Variants in MICAL2 observed in about 807,000 individuals in gnomAD.
The protein encoded by MICAL2 is microtubule associated monooxygenase, calponin and LIM domain containing 2.
Under a neutral mutation model 127.3 loss-of-function variants are expected in MICAL2, and 77 were observed. That is an observed-to-expected ratio of 0.60 (90% confidence interval 0.50 to 0.73). MICAL2 has a LOEUF of 0.73. Ranked by LOEUF, MICAL2 falls within the 30% of genes least tolerant of loss-of-function variation. The probability of loss-of-function intolerance (pLI) is 0.00; values close to 1 mark genes in which losing one functional copy is unlikely to be tolerated. For missense variants in MICAL2, 1,351 were observed against 1,434.4 expected, an observed-to-expected ratio of 0.94 and a Z score of 0.94; for synonymous variants, 570 against 551.1, an observed-to-expected ratio of 1.03 and a Z score of -0.48.
intron 30 of MICAL2, among the ~76,000 whole-genome samples, chr11:12,322,815 T>C (rs1493960): frequency 0.84 from 127,184 of 152,184 alleles, 53,342 homozygotes; most frequent in Non-Finnish European, 0.88. Context: ...AATATACGAA[T>C]GCTATAAAAA....
In MICAL2 at chr11:12,226,055, C is replaced by A. The variant is rs1257151222; in HGVS notation, c.1689-116C>A. 1.7e-5 allele frequency: 16 copies of A among 967,092 alleles called. No individual in the cohort carries two copies. In the East Asian group the frequency reaches 3.1e-4, roughly 19 times the overall value. The allele number at this position is 967,092 out of a possible 1,614,324, so 59.9% of individuals were successfully genotyped here. A position where few individuals can be genotyped will look rare whatever the true frequency, so the allele number is the denominator to read the frequency against. ...TGGGGTCACTATTCCTCCCCTGTAA[C>A]CTGCCGACACCTGGCAGAGTGTCAC... On this transcript the variant is annotated intron_variant, in intron 13 of 27. Transcript: ENST00000683283.
intron 3 of MICAL2, among the ~76,000 whole-genome samples, chr11:12,171,531 T>TA (rs1447791330): frequency 6.6e-6 from 1 of 152,242 alleles, no homozygotes; most frequent in Non-Finnish European, 1.5e-5. Context: ...GTCTATCTCC[T>TA]ACTCAACAGG....
In MICAL2 at chr11:12,216,283, G is replaced by A. The variant is rs1158748043; in HGVS notation, c.912G>A (p.Lys304=). 1 of 1,613,968 alleles carries A rather than the reference G, an allele frequency of 6.2e-7. No homozygotes were observed. Among genetic ancestry groups the A allele is most frequent in the Non-Finnish European group, 8.5e-7 (1 of 1,179,986 alleles). The stretch of plus-strand genomic sequence containing the variant: ...CCCACTATTTTGTAATGACAGCCAA[G>A]AAGCAGAGCCTGCTCGACAAAGGTG... ...DCTHYFVMTA[K]KQSLLDKGVI... is the part of the protein sequence containing the mutation. The change falls in exon 8 of 28, where the codon AAG becomes AAA. Residue 304 remains lysine, a synonymous_variant. Transcript: ENST00000683283.
rs556140073 is a variant in MICAL2, at chr11:12,157,537, T to G, written c.-77-4542T>G. On this transcript the variant is annotated intron_variant, in intron 2 of 27. Coordinates refer to ENST00000683283, the MANE Select transcript of MICAL2 (RefSeq NM_001282663.2). ...TGCTTCAAGGCTATTCTTGGAAACT[T>G]AAAGCATCACATCTTGTTTCTTCCC... Among the ~76,000 whole-genome samples the G allele has an allele frequency of 4.6e-5, 7 of 152,338 alleles. No individual in the cohort carries two copies. In the South Asian group the frequency reaches 1.4e-3, roughly 32 times the overall value.
In MICAL2 at chr11:12,129,457, A is replaced by G. The variant is rs1430810458; in HGVS notation, c.-148-8933A>G. 2.6e-5 allele frequency among the ~76,000 whole-genome samples: 4 copies of G among 152,058 alleles called. No individual in the cohort carries two copies. In the South Asian group the frequency reaches 8.3e-4, roughly 32 times the overall value. ...GCTCCAAAACGTGCAAGTGGAAGGT[A>G]ATGAAACACGCACCCCCCTTCCTAT... On this transcript the variant is annotated intron_variant, in intron 1 of 27. Coordinates refer to ENST00000683283, the MANE Select transcript of MICAL2 (RefSeq NM_001282663.2).
chr11:12,273,544 GTT>G (rs11334681), upstream of MICAL2, among the ~76,000 whole-genome samples: 2,293 of 143,664 alleles, frequency 0.016, 39 homozygotes, highest in African/African-American at 0.046. Context: ...CTGCAGACAT[GTT>G]TTTTTTTTTT....
intron 2 of MICAL2, among the ~76,000 whole-genome samples, chr11:12,159,629 T>G (rs1291067552): frequency 6.6e-6 from 1 of 152,242 alleles, no homozygotes; most frequent in African/African-American, 2.4e-5. Flanking sequence ...CAGAAAAGAC[T>G]GTAGTGTAGC....
chr11:12,204,234 T>G lies in MICAL2; in HGVS notation c.265-16T>G. ...TAGAGGTTACCAAGAGTCTCTCTCC[T>G]CTCTCACCTCTGCAGTGTCTCATAG... On this transcript the variant is annotated splice_polypyrimidine_tract_variant and intron_variant, in intron 3 of 27. Transcript: ENST00000683283. 4 of 1,612,826 alleles carry G rather than the reference T, an allele frequency of 2.5e-6. No individual in the cohort carries two copies. The highest frequency in any genetic ancestry group is 3.4e-6 in the Non-Finnish European group (4 of 1,179,046).
intron 2 of MICAL2, among the ~76,000 whole-genome samples, chr11:12,157,970 G>C (rs1242163151): frequency 1.3e-5 from 2 of 152,188 alleles, no homozygotes; most frequent in African/African-American, 2.4e-5. Context: ...TCTACACAGA[G>C]AGGAAGTGAG....
chr11:12,136,940 G>A (rs546126750), intron 1 of MICAL2, among the ~76,000 whole-genome samples: 7 of 152,210 alleles, frequency 4.6e-5, no homozygotes, highest in African/African-American at 1.7e-4. Flanking sequence ...GATCTAGAGA[G>A]CATGGCGGGG....
downstream of MICAL2, chr11:12,294,604 GA>G: frequency 6.2e-7 from 1 of 1,614,156 alleles, no homozygotes; most frequent in South Asian, 1.1e-5. Flanking sequence ...AGCCTCCAAA[GA>G]AAAGAATCTC....
chr11:12,247,154 G>C (rs1860869687), intron 21 of MICAL2, among the ~76,000 whole-genome samples: 1 of 152,112 alleles, frequency 6.6e-6, no homozygotes, highest in South Asian at 2.1e-4. Context: ...CCTGTGTCCT[G>C]CAGAAGCCAC....
chr11:12,136,530 C>G (rs936553311), intron 1 of MICAL2, among the ~76,000 whole-genome samples: 2 of 152,126 alleles, frequency 1.3e-5, no homozygotes, highest in Non-Finnish European at 2.9e-5. Context: ...CTCTAAAAGT[C>G]AGGGTACCTG....
At chr11:12,262,457 C>T (rs373734089) in intron 26 of MICAL2, 23 bp from the exon 27 acceptor site, 37 of 1,613,228 alleles carry the variant, frequency 2.3e-5, no homozygotes, top group Non-Finnish European at 3.1e-5. Context: ...TCTCTCTTTC[C>T]AATCTTACGC....
At chr11:12,220,107 A>G in intron 8 of MICAL2, 94 bp from the exon 9 acceptor site, 1 of 1,454,478 alleles carries the variant, frequency 6.9e-7, no homozygotes, top group Non-Finnish European at 9.5e-7. Context: ...GCCTCACTGT[A>G]GGGACCCATT....
chr11:12,263,845 G>C (rs1181177159), downstream of MICAL2: 1 of 152,538 alleles, frequency 6.6e-6, no homozygotes, highest in Non-Finnish European at 1.5e-5. Context: ...CACAGGGATT[G>C]GTGTAGGGGG....
downstream of MICAL2, among the ~76,000 whole-genome samples, chr11:12,264,794 A>C (rs1590712904): frequency 6.6e-6 from 1 of 151,986 alleles, no homozygotes; most frequent in South Asian, 2.1e-4. Flanking sequence ...TGTGCAAGTG[A>C]CTCATTCCTT....
intron 15 of MICAL2, among the ~76,000 whole-genome samples, chr11:12,235,739 C>A (rs1317760509): frequency 6.6e-6 from 1 of 152,118 alleles, no homozygotes; most frequent in Non-Finnish European, 1.5e-5. Context: ...AGAGAGACCC[C>A]AGCTGGTCTC....
At chr11:12,161,047 C>T (rs1045238272) in intron 2 of MICAL2, among the ~76,000 whole-genome samples, 2 of 152,204 alleles carry the variant, frequency 1.3e-5, no homozygotes, top group Non-Finnish European at 2.9e-5. Context: ...CGGTGGAGCT[C>T]GGTCTGCTGT....
Sources: gnomAD v4.1 joint callset for allele counts (sites outside exome capture counted in the v4.1 genomes callset) on GRCh38, gnomAD v4.1.1 for gene constraint, MANE v1.5 for transcripts, NCBI Gene and HGNC (gene_info 2026-07-23, HGNC 2026-07-21) for gene names.